COL4A6: variants seen among roughly 807,000 people sequenced by gnomAD.
The protein encoded by COL4A6 is collagen type IV alpha 6 chain, also known as collagen alpha-6(IV) chain.
A neutral mutation model predicts 126.7 loss-of-function variants in COL4A6; 59 were observed. The ratio of observed to expected loss-of-function variants is 0.47; its 90% CI spans 0.38 to 0.58. COL4A6 has a LOEUF of 0.58. Ranked by LOEUF, COL4A6 falls within the 20% of genes least tolerant of loss-of-function variation. The pLI is 0.00. For missense variants in COL4A6, 1,285 were observed against 1,337.3 expected (o/e 0.96, Z 0.61); for synonymous variants, 547 against 496.6 (o/e 1.10, Z -1.35).
chrX:108,171,819 A>G (rs2034315775), intron 32 of COL4A6, among the ~76,000 whole-genome samples: 2 of 112,117 alleles, frequency 1.8e-5, no homozygotes, highest in East Asian at 2.8e-4. Context: ...TATCAGGGGA[A>G]GAGACTGGAG....
chrX:108,388,774 C>T (rs1313950573), intron 2 of COL4A6, among the ~76,000 whole-genome samples: 2 of 111,248 alleles, frequency 1.8e-5, no homozygotes, highest in Non-Finnish European at 3.8e-5. Context: ...AATTTGTTTG[C>T]TTTTGCTTCT....
At chrX:108,374,180 C>T (rs1603184100) in intron 2 of COL4A6, among the ~76,000 whole-genome samples, 2 of 112,147 alleles carry the variant, frequency 1.8e-5, no homozygotes, top group Middle Eastern at 9.2e-3. Context: ...TGTATGCTAA[C>T]GTGAAAACTG....
intron 2 of COL4A6, among the ~76,000 whole-genome samples, chrX:108,424,743 G>A (rs889777446): frequency 4.5e-5 from 5 of 111,930 alleles, no homozygotes; most frequent in African/African-American, 1.3e-4. Flanking sequence ...TAGGCCATAC[G>A]GGGTGGCTCA....
Position 108,280,163 on chromosome X carries a change from T to G in COL4A6, c.144+30585A>C, listed in dbSNP as rs1287670572. 3.7e-5 allele frequency among the ~76,000 whole-genome samples: 4 copies of G among 109,122 alleles called. No individual in the cohort carries two copies. The East Asian group carries it at 1.2e-3, about 32-fold the overall frequency. The allele number at this position is 109,122 out of a possible 115,157, so 94.8% of individuals were successfully genotyped here. A position where few individuals can be genotyped will look rare whatever the true frequency, so the allele number is the denominator to read the frequency against. On this transcript the variant is annotated intron_variant, in intron 3 of 44. Transcript: ENST00000334504. ...AAAATCAGAGCAGAAATGAAGGAAA[T>G]AGAGACACAAAAAACCCTTCAAAAA...
At chrX:108,249,681 C>G (rs1044931211) in intron 3 of COL4A6, among the ~76,000 whole-genome samples, 1 of 111,299 alleles carries the variant, frequency 9.0e-6, no homozygotes, top group African/African-American at 3.3e-5. Context: ...GGGGTTTCCT[C>G]ATGTCCTTCA....
intron 3 of COL4A6, chrX:108,268,135 C>T: frequency 9.0e-6 from 1 of 111,268 alleles, no homozygotes; most frequent in East Asian, 2.8e-4. Flanking sequence ...AGTGTATATT[C>T]CAATAGGAAG....
chrX:108,187,618 T>C (rs1347270470), intron 22 of COL4A6, among the ~76,000 whole-genome samples: 2 of 112,183 alleles, frequency 1.8e-5, no homozygotes, highest in Non-Finnish European at 3.8e-5. Flanking sequence ...TTAAGTCATA[T>C]GGTCAGGTGT....
chrX:108,283,484 T>G, intron 3 of COL4A6, among the ~76,000 whole-genome samples: 2 of 111,970 alleles, frequency 1.8e-5, no homozygotes, highest in Middle Eastern at 9.2e-3. Context: ...CAGTAAGTAC[T>G]TGCTATGTTC....
chrX:108,284,958 C>T lies in COL4A6; in HGVS notation c.144+25790G>A, dbSNP rs1243872331. The stretch of plus-strand genomic sequence containing the variant: ...ACACCTGGCCAATCCCACAGGTTAT[C>T]TTCCCTTTACCTCAACTTTCTACCC... On this transcript the variant is annotated intron_variant, in intron 3 of 44. Coordinates refer to ENST00000334504, the MANE Select transcript of COL4A6 (RefSeq NM_033641.4). Among the ~76,000 whole-genome samples, 3 of 112,037 alleles carry T rather than the reference C, an allele frequency of 2.7e-5. No homozygotes were observed. In the East Asian group the frequency reaches 8.4e-4, roughly 31 times the overall value.
chrX:108,225,688 G>A (rs771453104), intron 3 of COL4A6, among the ~76,000 whole-genome samples: 2 of 112,866 alleles, frequency 1.8e-5, no homozygotes, highest in Non-Finnish European at 3.7e-5. Flanking sequence ...TGCCTATAAA[G>A]TAGTAGACAT....
At chrX:108,179,553 G>A (rs929931918) in intron 25 of COL4A6, 115 bp from the exon 26 acceptor site, 17 of 583,084 alleles carry the variant, frequency 2.9e-5, no homozygotes, top group Non-Finnish European at 4.5e-5. Context: ...AATAATATAT[G>A]TCACTTCTCT....
intron 27 of COL4A6, among the ~76,000 whole-genome samples, chrX:108,177,913 A>T (rs2034550467): frequency 9.0e-6 from 1 of 111,726 alleles, no homozygotes; most frequent in South Asian, 3.8e-4. Context: ...CCTTGTAAGC[A>T]AGGCCATGTT....
At chrX:108,323,758 A>G (rs1249266459) in intron 2 of COL4A6, among the ~76,000 whole-genome samples, 2 of 112,284 alleles carry the variant, frequency 1.8e-5, no homozygotes, top group Non-Finnish European at 3.8e-5. Context: ...TTTTCCAACA[A>G]TAGCACTGCT....
chrX:108,231,866 C>T (rs1364636268), intron 3 of COL4A6, among the ~76,000 whole-genome samples: 2 of 112,030 alleles, frequency 1.8e-5, no homozygotes, highest in East Asian at 5.6e-4. Context: ...AAATAAGATG[C>T]ACTTCAAGGA....
In COL4A6 at chrX:108,422,873, T is replaced by C. The variant is rs1045376295; in HGVS notation, c.63+15069A>G. 5.4e-5 allele frequency among the ~76,000 whole-genome samples: 6 copies of C among 111,573 alleles called. No individual in the cohort carries two copies. In the Admixed American group the frequency reaches 5.7e-4, roughly 11 times the overall value. On this transcript the variant is annotated intron_variant, in intron 2 of 44. Coordinates refer to ENST00000334504, the MANE Select transcript of COL4A6 (RefSeq NM_033641.4). ...CTAACATGACCATTGTGCCTTCCATTCTTCCAGTAGTCCTAGGTTGGGGTG... is the reference window on the plus strand; with the variant it reads ...CTAACATGACCATTGTGCCTTCCATCCTTCCAGTAGTCCTAGGTTGGGGTG...
At chrX:108,285,802 G>T (rs2037989638) in intron 3 of COL4A6, among the ~76,000 whole-genome samples, 1 of 112,018 alleles carries the variant, frequency 8.9e-6, no homozygotes, top group Admixed American at 9.5e-5. Flanking sequence ...CTGAAAAGCT[G>T]TTAAAAAGGA....
At chrX:108,197,944 T>C (rs1258309546) in intron 13 of COL4A6, among the ~76,000 whole-genome samples, 1 of 111,224 alleles carries the variant, frequency 9.0e-6, no homozygotes, top group African/African-American at 3.3e-5. Flanking sequence ...TGGGTTAAAC[T>C]GAATGCAAAC....
chrX:108,296,604 C>A (rs1462247999), intron 3 of COL4A6, among the ~76,000 whole-genome samples: 1 of 112,122 alleles, frequency 8.9e-6, no homozygotes, highest in Non-Finnish European at 1.9e-5. Context: ...AGACAAAGTA[C>A]CATTAGTCTG....
chrX:108,210,405 C>T (rs1196321313), intron 7 of COL4A6, among the ~76,000 whole-genome samples: 1 of 112,136 alleles, frequency 8.9e-6, no homozygotes, highest in South Asian at 3.7e-4. Context: ...CATATGTATA[C>T]GATGCAAATC....
Sources: allele counts gnomAD v4.1 joint callset (sites outside exome capture counted in the v4.1 genomes callset), GRCh38; gene constraint gnomAD v4.1.1; transcripts MANE v1.5; gene names NCBI Gene and HGNC (gene_info 2026-07-23, HGNC 2026-07-21).